Variants in DCC observed in about 807,000 individuals in gnomAD.
The protein encoded by DCC is DCC netrin 1 receptor.
DCC carries 58 observed loss-of-function variants against 172.5 expected under a neutral mutation model. That is an observed-to-expected ratio of 0.34 (90% confidence interval 0.27 to 0.42). The LOEUF (loss-of-function observed/expected upper bound fraction) is 0.42. DCC is among the 10% of genes least tolerant of loss of function. DCC has a pLI of 1.00. For missense variants in DCC, 1,740 were observed against 1,791.0 expected (o/e 0.97, Z 0.51); for synonymous variants, 709 against 644.5 (o/e 1.10, Z -1.52).
rs116116743 is a variant in DCC, at chr18:53,343,758, A to G, written c.2359+3851A>G. Reference sequence around the variant, plus strand: ...TATTTATTTCTTAAGTATTTTATAGATTTCACTAATGAAATCATCTGGACC... The same window carrying G: ...TATTTATTTCTTAAGTATTTTATAGGTTTCACTAATGAAATCATCTGGACC... On this transcript the variant is annotated intron_variant, in intron 15 of 28. Coordinates refer to ENST00000442544, the MANE Select transcript of DCC (RefSeq NM_005215.4). Among the ~76,000 whole-genome samples, 638 of 152,064 alleles carry G rather than the reference A, an allele frequency of 4.2e-3. 7 individuals are homozygous for G. The highest frequency in any genetic ancestry group is 0.014 in the African/African-American group (597 of 41,526).
chr18:52,538,298 C>T (rs2032342889), intron 1 of DCC, among the ~76,000 whole-genome samples: 1 of 152,152 alleles, frequency 6.6e-6, no homozygotes, highest in Non-Finnish European at 1.5e-5. Flanking sequence ...AAAATTATTT[C>T]TATCCTTTTA....
chr18:52,801,447 T>TG (rs1013616839), intron 2 of DCC, among the ~76,000 whole-genome samples: 119 of 151,922 alleles, frequency 7.8e-4, no homozygotes, highest in African/African-American at 2.8e-3. Context: ...TCTTTATGGG[T>TG]GAAAAAAAAA....
chr18:52,698,699 A>G (rs149805563), intron 1 of DCC, among the ~76,000 whole-genome samples: 15,937 of 151,788 alleles, frequency 0.1, 1,634 homozygotes, highest in African/African-American at 0.26. Context: ...CCCGGGTTCA[A>G]GCAATTCTCC....
At chr18:52,657,189 A>G (rs1482057448) in intron 1 of DCC, among the ~76,000 whole-genome samples, 2 of 152,194 alleles carry the variant, frequency 1.3e-5, no homozygotes, top group African/African-American at 4.8e-5. Flanking sequence ...GAGCCACACT[A>G]TCTCTGTGAT....
intron 5 of DCC, among the ~76,000 whole-genome samples, chr18:52,991,276 T>G (rs1299131299): frequency 6.6e-6 from 1 of 152,184 alleles, no homozygotes; most frequent in Non-Finnish European, 1.5e-5. Flanking sequence ...TTTTTTGTTT[T>G]AAGTAAGTGT....
At chr18:53,400,948 A>G (rs1250243142) in intron 18 of DCC, among the ~76,000 whole-genome samples, 1 of 152,190 alleles carries the variant, frequency 6.6e-6, no homozygotes, top group Non-Finnish European at 1.5e-5. Flanking sequence ...AGTAAAAAAG[A>G]CAAAGATTTT....
chr18:52,718,875 T>C (rs766425930), intron 1 of DCC, among the ~76,000 whole-genome samples: 25 of 152,186 alleles, frequency 1.6e-4, no homozygotes, highest in Non-Finnish European at 3.1e-4. Flanking sequence ...TTTAGGACAC[T>C]TGTATTGGTC....
chr18:52,721,558 A>T (rs755681780), intron 1 of DCC, among the ~76,000 whole-genome samples: 34 of 152,200 alleles, frequency 2.2e-4, no homozygotes, highest in Non-Finnish European at 4.0e-4. Context: ...AGAAAGAGAT[A>T]ATCTGATTTA....
At chr18:52,488,760 G>A (rs1172568773) in intron 1 of DCC, among the ~76,000 whole-genome samples, 1 of 152,044 alleles carries the variant, frequency 6.6e-6, no homozygotes, top group Non-Finnish European at 1.5e-5. Context: ...CTAGGCAGGA[G>A]GCATCTATAA....
At chr18:53,150,613 C>G (rs1287428679) in intron 7 of DCC, among the ~76,000 whole-genome samples, 2 of 152,080 alleles carry the variant, frequency 1.3e-5, no homozygotes, top group African/African-American at 2.4e-5. Context: ...CTGTGAACAC[C>G]CAGGTAGAGG....
chr18:52,685,106 G>T (rs112748436), intron 1 of DCC, among the ~76,000 whole-genome samples: 2,805 of 152,142 alleles, frequency 0.018, 35 homozygotes, highest in Non-Finnish European at 0.028. Context: ...TTGTCTGTAT[G>T]TTCCAACACA....
chr18:52,535,971 G>A (rs2144692638), intron 1 of DCC, among the ~76,000 whole-genome samples: 1 of 152,260 alleles, frequency 6.6e-6, no homozygotes, highest in African/African-American at 2.4e-5. Context: ...GAGGGAGTCT[G>A]GAATCTTCCA....
chr18:53,446,124 A>AAAAAAAAAAAATC (rs369426007), intron 22 of DCC, among the ~76,000 whole-genome samples: 1 of 117,174 alleles, frequency 8.5e-6, no homozygotes, highest in Non-Finnish European at 1.8e-5. Flanking sequence ...ACAAAAAAAA[A>AAAAAAAAAAAATC]CACTTAAAAA....
chr18:53,153,496 C>G (rs12605603), intron 7 of DCC, among the ~76,000 whole-genome samples: 47,116 of 151,944 alleles, frequency 0.31, 9,136 homozygotes, highest in East Asian at 0.59. Flanking sequence ...CACACCCTGG[C>G]CGACATGAGA....
At chr18:53,245,763 C>A (rs1448651460) in intron 12 of DCC, among the ~76,000 whole-genome samples, 1 of 152,152 alleles carries the variant, frequency 6.6e-6, no homozygotes, top group South Asian at 2.1e-4. Context: ...CTGGAAAGAA[C>A]AAAAATCTCA....
At chr18:53,028,061 A>T (rs2041980334) in intron 5 of DCC, among the ~76,000 whole-genome samples, 1 of 152,150 alleles carries the variant, frequency 6.6e-6, no homozygotes, top group Non-Finnish European at 1.5e-5. Flanking sequence ...AGGCATATGG[A>T]CATTTTTATT....
At chr18:52,630,825 AC>A (rs2144879418) in intron 1 of DCC, among the ~76,000 whole-genome samples, 1 of 152,334 alleles carries the variant, frequency 6.6e-6, no homozygotes, top group Non-Finnish European at 1.5e-5. Context: ...ACTACCTTGT[AC>A]ACAGCAAGTC....
At chr18:52,541,734 A>G (rs1343877089) in intron 1 of DCC, among the ~76,000 whole-genome samples, 2 of 151,884 alleles carry the variant, frequency 1.3e-5, no homozygotes, top group Non-Finnish European at 2.9e-5. Flanking sequence ...AAATGGTGTC[A>G]GTGGTTCTGA....
intron 1 of DCC, among the ~76,000 whole-genome samples, chr18:52,391,976 A>T (rs972340331): frequency 6.6e-6 from 1 of 152,180 alleles, no homozygotes; most frequent in Non-Finnish European, 1.5e-5. Context: ...CTGCCAGTGT[A>T]GCGCTATGTG....
Sources: allele counts gnomAD v4.1 joint callset (sites outside exome capture counted in the v4.1 genomes callset), GRCh38; gene constraint gnomAD v4.1.1; transcripts MANE v1.5; gene names NCBI Gene and HGNC (gene_info 2026-07-23, HGNC 2026-07-21).